The following SLC14A2 variants were observed in gnomAD, a reference collection of about 807,000 sequenced individuals.
SLC14A2 encodes the protein urea transporter 2.
Under a neutral mutation model 104.6 loss-of-function variants are expected in SLC14A2, and 91 were observed. The ratio of observed to expected loss-of-function variants is 0.87; its 90% CI spans 0.73 to 1.04. The LOEUF is 1.04. Among genes scored for constraint, SLC14A2 ranks in the 50% least tolerant of loss-of-function variants. The probability of loss-of-function intolerance (pLI) is 0.00; values close to 1 mark genes in which losing one functional copy is unlikely to be tolerated. For synonymous variants in SLC14A2, 476 were observed against 466.4 expected (o/e 1.02, Z -0.27); for missense variants, 1,189 against 1,156.0 (o/e 1.03, Z -0.41).
intron 1 of SLC14A2, among the ~76,000 whole-genome samples, chr18:45,264,256 T>C (rs1464554811): frequency 1.3e-5 from 2 of 152,178 alleles, no homozygotes; most frequent in African/African-American, 2.4e-5. Flanking sequence ...TTTATTTATT[T>C]ATTCATTCAT....
intron 12 of SLC14A2, among the ~76,000 whole-genome samples, chr18:45,666,508 T>C (rs2046026566): frequency 6.6e-6 from 1 of 152,020 alleles, no homozygotes; most frequent in Non-Finnish European, 1.5e-5. Flanking sequence ...TCTTCACATG[T>C]TCAATTTCAT....
intron 1 of SLC14A2, among the ~76,000 whole-genome samples, chr18:45,214,950 G>GA (rs1174565048): frequency 3.5e-5 from 5 of 142,494 alleles, no homozygotes; most frequent in Admixed American, 1.4e-4. Flanking sequence ...AGAAATAAAA[G>GA]AAAAAAAAGA....
chr18:45,560,567 C>CA (rs1370601742), intron 2 of SLC14A2, among the ~76,000 whole-genome samples: 3 of 152,170 alleles, frequency 2.0e-5, no homozygotes, highest in Non-Finnish European at 4.4e-5. Flanking sequence ...GCCTCTGAGA[C>CA]AAACAATCCC....
chr18:45,304,186 A>C (rs1477071546), intron 1 of SLC14A2, among the ~76,000 whole-genome samples: 1 of 152,246 alleles, frequency 6.6e-6, no homozygotes, highest in Non-Finnish European at 1.5e-5. Flanking sequence ...ACAAACACAT[A>C]GCAAAAGGCA....
intron 11 of SLC14A2, among the ~76,000 whole-genome samples, chr18:45,664,968 G>A (rs191654581): frequency 1.3e-5 from 2 of 152,290 alleles, no homozygotes; most frequent in East Asian, 3.9e-4. Context: ...CTGCAGCACT[G>A]GCAGGCAGAG....
At chr18:45,456,002 T>C (rs1412585624) in intron 1 of SLC14A2, among the ~76,000 whole-genome samples, 1 of 152,070 alleles carries the variant, frequency 6.6e-6, no homozygotes, top group Non-Finnish European at 1.5e-5. Context: ...GGGAGTTAGT[T>C]CTAGACCAGT....
chr18:45,503,825 C>CCA (rs55788693), intron 2 of SLC14A2, among the ~76,000 whole-genome samples: 1 of 151,794 alleles, frequency 6.6e-6, no homozygotes, highest in Non-Finnish European at 1.5e-5. Context: ...GTAATTATCC[C>CCA]TGAATTATCA....
chr18:45,551,362 C>T (rs1057099864), intron 2 of SLC14A2, among the ~76,000 whole-genome samples: 19 of 152,188 alleles, frequency 1.2e-4, no homozygotes, highest in African/African-American at 4.6e-4. Flanking sequence ...TTGTGAAAAC[C>T]TTTTAAGGAA....
intron 1 of SLC14A2, among the ~76,000 whole-genome samples, chr18:45,380,279 A>G (rs191486473): frequency 2.0e-5 from 3 of 152,328 alleles, no homozygotes; most frequent in Admixed American, 2.0e-4. Flanking sequence ...GTCAATGCCC[A>G]CTAGCCAAAG....
chr18:45,550,205 G>A (rs1249774695), intron 2 of SLC14A2: 1 of 152,142 alleles, frequency 6.6e-6, no homozygotes, highest in East Asian at 1.9e-4. Flanking sequence ...GAAGCTTGGG[G>A]TGGGAGTCTC....
chr18:45,292,439 T>C (rs1458435386), intron 1 of SLC14A2, among the ~76,000 whole-genome samples: 1 of 152,178 alleles, frequency 6.6e-6, no homozygotes, highest in East Asian at 1.9e-4. Context: ...CAGTGTGAAA[T>C]GTACTTTGAG....
At chr18:45,634,819 C>G (rs1017050739) in intron 5 of SLC14A2, 24 of 457,048 alleles carry the variant, frequency 5.3e-5, no homozygotes, top group Non-Finnish European at 9.7e-5. Flanking sequence ...ACTCTGTTTG[C>G]AGGATGGAGA....
intron 2 of SLC14A2, among the ~76,000 whole-genome samples, chr18:45,536,785 G>T (rs1191139501): frequency 6.6e-5 from 10 of 152,192 alleles, no homozygotes; most frequent in Admixed American, 3.9e-4. Context: ...ATCCAGATTT[G>T]TCACATTGTA....
chr18:45,409,842 G>A (rs544213723), intron 1 of SLC14A2, among the ~76,000 whole-genome samples: 2 of 152,262 alleles, frequency 1.3e-5, no homozygotes, highest in East Asian at 1.9e-4. Context: ...CGGGGTTGGA[G>A]GGTGGTTTTA....
intron 2 of SLC14A2, among the ~76,000 whole-genome samples, chr18:45,589,478 T>C (rs1490394016): frequency 6.6e-6 from 1 of 152,222 alleles, no homozygotes; most frequent in Non-Finnish European, 1.5e-5. Flanking sequence ...GCACGTTTAG[T>C]GTTTCCATAT....
intron 2 of SLC14A2, among the ~76,000 whole-genome samples, chr18:45,535,793 T>C (rs2043770829): frequency 6.6e-6 from 1 of 152,234 alleles, no homozygotes; most frequent in Non-Finnish European, 1.5e-5. Context: ...AGGAAAGAAG[T>C]GAACCAGATC....
chr18:45,180,273 G>A, the SLC14A2 span, among the ~76,000 whole-genome samples: 8 of 152,282 alleles, frequency 5.3e-5, no homozygotes, highest in East Asian at 1.5e-3. Flanking sequence ...TTATCTCTGT[G>A]CCTCTGTTCA....
chr18:45,617,973 A>G (rs1483893089), intron 1 of SLC14A2, among the ~76,000 whole-genome samples: 1 of 152,168 alleles, frequency 6.6e-6, no homozygotes, highest in Non-Finnish European at 1.5e-5. Flanking sequence ...CAACCTCTGA[A>G]GTGCTCTTAG....
intron 2 of SLC14A2, among the ~76,000 whole-genome samples, chr18:45,560,493 A>C (rs1599005686): frequency 6.6e-6 from 1 of 151,732 alleles, no homozygotes; most frequent in South Asian, 2.1e-4. Context: ...AGAGCCTTCT[A>C]CTCCTCTAGG....
Sources: allele counts gnomAD v4.1 joint callset (sites outside exome capture counted in the v4.1 genomes callset), GRCh38; gene constraint gnomAD v4.1.1; transcripts MANE v1.5; gene names NCBI Gene and HGNC (gene_info 2026-07-23, HGNC 2026-07-21).